Variants in KCNIP4 observed in about 807,000 individuals in gnomAD.
KCNIP4 encodes Kv channel-interacting protein 4.
Under a neutral mutation model 34.0 loss-of-function variants are expected in KCNIP4, and 12 were observed. That is an observed-to-expected ratio of 0.35 (90% CI 0.23 to 0.57). KCNIP4 has a LOEUF of 0.57. KCNIP4 is among the 20% of genes least tolerant of loss of function. The pLI, the probability that KCNIP4 is intolerant of heterozygous loss-of-function variation, is 0.83. For missense variants in KCNIP4, 238 were observed against 311.7 expected (o/e 0.76, Z 1.78); for synonymous variants, 124 against 102.2 (o/e 1.21, Z -1.29).
At chr4:21,792,162 C>A (rs1720334383) in intron 1 of KCNIP4, among the ~76,000 whole-genome samples, 1 of 151,136 alleles carries the variant, frequency 6.6e-6, no homozygotes, top group South Asian at 2.1e-4. Flanking sequence ...TCTCAATAGA[C>A]CCTAAGTTTC....
chr4:21,470,114 A>C (rs1288750785), intron 1 of KCNIP4, among the ~76,000 whole-genome samples: 1 of 152,180 alleles, frequency 6.6e-6, no homozygotes, highest in Non-Finnish European at 1.5e-5. Context: ...TCCTGAACTC[A>C]CCCACTTTAA....
chr4:21,838,401 A>G (rs1723474970), intron 1 of KCNIP4, among the ~76,000 whole-genome samples: 1 of 152,202 alleles, frequency 6.6e-6, no homozygotes, highest in South Asian at 2.1e-4. Flanking sequence ...GTGGACTGGT[A>G]GCTCACATGG....
intron 1 of KCNIP4, among the ~76,000 whole-genome samples, chr4:21,502,590 C>T (rs568789294): frequency 8.5e-5 from 13 of 152,266 alleles, no homozygotes; most frequent in South Asian, 8.3e-4. Context: ...CCTGAATACA[C>T]GACACTCCTT....
chr4:21,175,856 T>C (rs1754364947), intron 1 of KCNIP4, among the ~76,000 whole-genome samples: 2 of 152,282 alleles, frequency 1.3e-5, no homozygotes, highest in South Asian at 4.1e-4. Flanking sequence ...TAAATGAAAC[T>C]ACAGAAAGGG....
intron 1 of KCNIP4, among the ~76,000 whole-genome samples, chr4:21,809,473 C>A (rs1223679661): frequency 6.6e-6 from 1 of 152,118 alleles, no homozygotes; most frequent in East Asian, 1.9e-4. Flanking sequence ...GATCTAATTC[C>A]CATAATGCAT....
At chr4:21,755,362 T>C (rs1206647847) in intron 1 of KCNIP4, among the ~76,000 whole-genome samples, 3 of 152,214 alleles carry the variant, frequency 2.0e-5, no homozygotes, top group Non-Finnish European at 4.4e-5. Flanking sequence ...CTCATTTAGT[T>C]ACTTACTCTA....
At position 21,641,930 on chromosome 4, in the gene KCNIP4, G is replaced by T. The variant is rs147417379; in HGVS notation, c.61+306641C>A. Among the ~76,000 whole-genome samples the T allele has an allele frequency of 4.7e-3, 711 of 152,306 alleles. 7 individuals carry two copies. The highest frequency in any genetic ancestry group is 7.4e-3 in the Non-Finnish European group (505 of 68,028). On this transcript the variant is annotated intron_variant, in intron 1 of 8. Coordinates refer to ENST00000382152, the MANE Select transcript of KCNIP4 (RefSeq NM_025221.6). ...ATGGCACCATTCCTCAGGGTGATCA[G>T]CCAGCTACCTGGTGGCAGGTTGATT...
At position 21,047,901 on chromosome 4, in the gene KCNIP4, G is replaced by A. The variant is rs145492291; in HGVS notation, c.62-165192C>T. Among the ~76,000 whole-genome samples, 56 of 152,242 alleles carry A rather than the reference G, an allele frequency of 3.7e-4. 2 individuals carry two copies. In the East Asian group the frequency reaches 7.5e-3, roughly 20 times the overall value. ...CTCATCAGATCATTTTTAAAAATAAGTTTCTGCCAATATCATGTAAATTCA... is the reference window on the plus strand; with the variant it reads ...CTCATCAGATCATTTTTAAAAATAAATTTCTGCCAATATCATGTAAATTCA... On this transcript the variant is annotated intron_variant, in intron 1 of 8. Coordinates refer to ENST00000382152, the MANE Select transcript of KCNIP4 (RefSeq NM_025221.6).
At chr4:21,904,427 A>C (rs548516187) in intron 1 of KCNIP4, among the ~76,000 whole-genome samples, 26 of 152,314 alleles carry the variant, frequency 1.7e-4, no homozygotes, top group African/African-American at 6.3e-4. Flanking sequence ...GATCTAATAT[A>C]ATACTTAGCA....
chr4:21,587,286 AATG>A (rs1214752805), intron 1 of KCNIP4, among the ~76,000 whole-genome samples: 1 of 152,086 alleles, frequency 6.6e-6, no homozygotes, highest in African/African-American at 2.4e-5. Context: ...TCAGAGACAG[AATG>A]ATAATTCCTG....
chr4:21,817,546 G>C (rs1722061865), intron 1 of KCNIP4, among the ~76,000 whole-genome samples: 1 of 152,122 alleles, frequency 6.6e-6, no homozygotes, highest in Non-Finnish European at 1.5e-5. Flanking sequence ...TTCTTGCAGA[G>C]AGCCTATAAA....
At chr4:21,855,682 C>T (rs947834509) in intron 1 of KCNIP4, 1 of 152,206 alleles carries the variant, frequency 6.6e-6, no homozygotes, top group African/African-American at 2.4e-5. Flanking sequence ...GTTCTATCCC[C>T]TGGAAGTCGC....
intron 1 of KCNIP4, among the ~76,000 whole-genome samples, chr4:21,695,032 T>G (rs1712154608): frequency 6.6e-6 from 1 of 151,770 alleles, no homozygotes; most frequent in Non-Finnish European, 1.5e-5. Context: ...CAAAGATACA[T>G]GCTGATTGCT....
intron 4 of KCNIP4, among the ~76,000 whole-genome samples, chr4:20,753,190 A>C (rs1350776904): frequency 1.3e-5 from 2 of 152,162 alleles, no homozygotes; most frequent in Non-Finnish European, 2.9e-5. Context: ...CAAAGGTAAA[A>C]ATAGGGACTT....
Position 21,234,451 on chromosome 4 carries a change from T to TACATATAACGTATATAATATATAG in KCNIP4, c.62-351743_62-351742insCTATATATTATATACGTTATATGT. The stretch of plus-strand genomic sequence containing the variant: ...TTACATATAACGTATATAATATATA[T>TACATATAACGTATATAATATATAG]TACATATAACGTATATAATATATAG... On this transcript the variant is annotated intron_variant, in intron 1 of 8. Transcript: ENST00000382152. Among the ~76,000 whole-genome samples the TACATATAACGTATATAATATATAG allele has an allele frequency of 1.9e-5, 2 of 103,946 alleles. 1 individual carries two copies. The highest frequency in any genetic ancestry group is 7.4e-5 in the African/African-American group (2 of 26,846). 68.2% of individuals were successfully genotyped at this position (103,946 alleles called of 152,430 possible).
intron 1 of KCNIP4, among the ~76,000 whole-genome samples, chr4:21,756,345 T>C (rs1717525122): frequency 6.6e-6 from 1 of 151,856 alleles, no homozygotes; most frequent in Non-Finnish European, 1.5e-5. Context: ...CACGAGGTCA[T>C]GAGACAGAGT....
intron 5 of KCNIP4, among the ~76,000 whole-genome samples, chr4:20,736,624 A>T (rs530809645): frequency 1.3e-5 from 2 of 152,172 alleles, no homozygotes; most frequent in Non-Finnish European, 2.9e-5. Context: ...ACAGTGTTAC[A>T]TAATGAAAAT....
intron 1 of KCNIP4, among the ~76,000 whole-genome samples, chr4:21,758,901 T>C (rs1383016117): frequency 2.0e-5 from 3 of 152,092 alleles, no homozygotes; most frequent in Non-Finnish European, 2.9e-5. Context: ...AGCCTCAGTG[T>C]ACTAATGTGT....
intron 1 of KCNIP4, among the ~76,000 whole-genome samples, chr4:21,266,196 T>C (rs1761796927): frequency 2.6e-5 from 4 of 152,206 alleles, no homozygotes; most frequent in Admixed American, 2.0e-4. Flanking sequence ...ACTGTGAATT[T>C]ATTTGAACTC....
Sources: allele counts gnomAD v4.1 joint callset (sites outside exome capture counted in the v4.1 genomes callset), GRCh38; gene constraint gnomAD v4.1.1; transcripts MANE v1.5; gene names NCBI Gene and HGNC (gene_info 2026-07-23, HGNC 2026-07-21).